The following CPEB2 variants were observed in gnomAD, a reference collection of about 807,000 sequenced individuals.
CPEB2 encodes the protein cytoplasmic polyadenylation element binding protein 2.
CPEB2 carries 56 observed loss-of-function variants against 93.6 expected under a neutral mutation model. The observed-to-expected ratio is 0.60, with a 90% CI of 0.48 to 0.75. CPEB2 has a LOEUF of 0.75. Among genes scored for constraint, CPEB2 ranks in the 30% least tolerant of loss-of-function variants. The pLI is 0.00. For missense variants in CPEB2, 1,579 were observed against 1,395.1 expected, an observed-to-expected ratio of 1.13 and a Z score of -2.10; for synonymous variants, 764 against 586.3, an observed-to-expected ratio of 1.30 and a Z score of -4.38.
rs182244663 is a variant in CPEB2, at chr4:15,008,243, T to C, written c.1945-95T>C. The C allele has an allele frequency of 1.1e-3, 961 of 846,734 alleles. 3 individuals are homozygous for C. The highest frequency in any genetic ancestry group is 8.9e-4 in the Non-Finnish European group (457 of 512,312). The allele number at this position is 846,734 out of a possible 1,614,324, so 52.5% of individuals were successfully genotyped here. ...TAGAGGATGGAATGAGGATTTAAGA[T>C]AGAGCTTTATTTTTTGTTTTCTTTC... On this transcript the variant is annotated intron_variant, in intron 2 of 11. Coordinates refer to ENST00000538197, the MANE Select transcript of CPEB2 (RefSeq NM_001177382.2).
At position 15,017,508 on chromosome 4, in the gene CPEB2, G is replaced by A. The variant is rs556066129; in HGVS notation, c.2125+230G>A. 4.9e-5 allele frequency: 16 copies of A among 328,592 alleles called. No individual in the cohort carries two copies. The South Asian group carries it at 1.1e-3, about 23-fold the overall frequency. The allele number at this position is 328,592 out of a possible 1,614,324, so 20.4% of individuals were successfully genotyped here. ...ATTTAAGGAAAATTTACTATTTAGA[G>A]ACATGCTTCAGTTCACCAGAGAATG... On this transcript the variant is annotated intron_variant, in intron 4 of 11. Transcript: ENST00000538197.
intron 4 of CPEB2, among the ~76,000 whole-genome samples, chr4:15,032,682 C>A (rs115610378): frequency 0.027 from 4,135 of 152,018 alleles, 89 homozygotes; most frequent in South Asian, 0.14. Flanking sequence ...GCCACATTGG[C>A]AAGTTGAGAT....
chr4:15,015,965 A>G (rs890327081), intron 3 of CPEB2, among the ~76,000 whole-genome samples: 3 of 152,030 alleles, frequency 2.0e-5, no homozygotes, highest in African/African-American at 7.2e-5. Flanking sequence ...TCCTACAGAT[A>G]ACTGAAATCG....
chr4:15,061,975 A>T (rs952097470), intron 10 of CPEB2, 104 bp from the exon 11 acceptor site: 1 of 1,074,668 alleles, frequency 9.3e-7, no homozygotes, highest in Non-Finnish European at 1.3e-6. Context: ...ACTCCTGGTC[A>T]AATGATAATA....
At chr4:15,061,578 G>A (rs1313119781) in intron 10 of CPEB2, among the ~76,000 whole-genome samples, 2 of 151,290 alleles carry the variant, frequency 1.3e-5, no homozygotes, top group East Asian at 1.9e-4. Context: ...GAATTGGGGG[G>A]AATACTGGAA....
intron 6 of CPEB2, among the ~76,000 whole-genome samples, chr4:15,043,701 A>G (rs935822439): frequency 2.6e-5 from 4 of 152,104 alleles, no homozygotes; most frequent in African/African-American, 9.7e-5. Context: ...ATAAAAATAT[A>G]TAGAATATTT....
At chr4:15,035,190 A>G (rs546857109) in intron 5 of CPEB2, among the ~76,000 whole-genome samples, 2 of 150,492 alleles carry the variant, frequency 1.3e-5, no homozygotes, top group East Asian at 3.9e-4. Flanking sequence ...TTAGTAATAA[A>G]TTTTGCATCA....
intron 5 of CPEB2, among the ~76,000 whole-genome samples, chr4:15,036,722 T>C (rs1726646938): frequency 6.6e-6 from 1 of 151,036 alleles, no homozygotes; most frequent in African/African-American, 2.4e-5. Context: ...GGAGGGGGAG[T>C]GGGAATGGTA....
intron 4 of CPEB2, among the ~76,000 whole-genome samples, chr4:15,028,694 A>T (rs566971892): frequency 1.3e-5 from 2 of 151,828 alleles, no homozygotes; most frequent in East Asian, 1.9e-4. Context: ...GAATGAAGTG[A>T]GAGGTGCAAG....
intron 3 of CPEB2, 151 bp from the exon 4 acceptor site, chr4:15,017,037 G>C (rs1724232854): frequency 1.7e-6 from 1 of 580,642 alleles, no homozygotes; most frequent in Non-Finnish European, 3.1e-6. Context: ...TAGTTCATGA[G>C]ATCTTTAGTT....
intron 6 of CPEB2, among the ~76,000 whole-genome samples, chr4:15,045,804 C>T (rs1727617531): frequency 6.6e-6 from 1 of 151,994 alleles, no homozygotes; most frequent in South Asian, 2.1e-4. Flanking sequence ...ACCATATCAG[C>T]TCTTCTTTTA....
At position 15,003,521 on chromosome 4, in the gene CPEB2, G is replaced by A. The variant is rs1437155441; in HGVS notation, c.848G>A (p.Arg283His). 2.1e-6 allele frequency: 3 copies of A among 1,441,964 alleles called. No individual in the cohort carries two copies. Among genetic ancestry groups the A allele is most frequent in the African/African-American group, 3.0e-5 (2 of 67,626 alleles). The allele number at this position is 1,441,964 out of a possible 1,614,324, so 89.3% of individuals were successfully genotyped here. ...RRRHGGAGSPRKTPAAGEGSA... is the reference protein window; with the variant it reads ...RRRHGGAGSPHKTPAAGEGSA... ...CGCCACGGAGGCGCGGGCAGCCCTC[G>A]CAAGACCCCAGCCGCGGGCGAGGGC... Residue 283 changes from arginine to histidine, a missense_variant, in exon 1 of 12, where the codon CGC (arginine) becomes CAC (histidine). By Grantham distance (29) the Arg-to-His change is conservative (BLOSUM62 0). Coordinates refer to ENST00000538197, the MANE Select transcript of CPEB2 (RefSeq NM_001177382.2).
At position 15,002,956 on chromosome 4, in the gene CPEB2, G is replaced by T. The variant is rs1232299376; in HGVS notation, c.283G>T (p.Asp95Tyr). ...CCTGGCGCATCAGCAGACCATGCAG[G>T]ATGAGCTGCTTCTGGGGCTGACACA... is the stretch of plus-strand genomic sequence containing the variant. ...PFLAHQQTMQ[D>Y]ELLLGLTQQP... The change falls in exon 1 of 12, where the codon GAT (aspartate) becomes TAT (tyrosine). Residue 95 changes from aspartate to tyrosine, a missense_variant. Around this residue, in one of 2 missense-constraint regions of CPEB2, gnomAD observed 1,411 missense variants for 1,056.0 expected, o/e 1.34. Transcript: ENST00000538197. The T allele has an allele frequency of 2.6e-6, 4 of 1,514,964 alleles. No individual in the cohort carries two copies. In the African/African-American group the frequency reaches 4.2e-5, roughly 16 times the overall value. The allele number at this position is 1,514,964 out of a possible 1,614,324, so 93.8% of individuals were successfully genotyped here.
At chr4:15,063,835 T>C (rs994360861) in intron 11 of CPEB2, 1 of 152,108 alleles carries the variant, frequency 6.6e-6, no homozygotes, top group South Asian at 2.1e-4. Flanking sequence ...TAAAAAGGCA[T>C]TGAAATACCT....
Position 15,002,778 on chromosome 4 carries a change from C to A in CPEB2, c.105C>A (p.Ser35=), listed in dbSNP as rs1237189012. Residue 35 remains serine, a synonymous_variant, in exon 1 of 12, where the codon TCC becomes TCA. Coordinates refer to ENST00000538197, the MANE Select transcript of CPEB2 (RefSeq NM_001177382.2). ...CGTATGGTCCTTACGCCGTGGGGTC[C>A]GTCAACCCGCTGCCCTCCGCCACGC... ...GEAYGPYAVG[S]VNPLPSATPF... 4.0e-5 allele frequency: 62 copies of A among 1,535,456 alleles called. No homozygotes were observed. The highest frequency in any genetic ancestry group is 4.9e-5 in the Non-Finnish European group (56 of 1,146,672).
At chr4:15,018,739 T>C (rs978152863) in intron 4 of CPEB2, among the ~76,000 whole-genome samples, 5 of 150,734 alleles carry the variant, frequency 3.3e-5, no homozygotes, top group Admixed American at 6.6e-5. Flanking sequence ...ATAATAAAAG[T>C]TTTTCATTGT....
chr4:15,008,505 A>G, intron 3 of CPEB2, 78 bp downstream of exon 3: 2 of 922,694 alleles, frequency 2.2e-6, no homozygotes, highest in East Asian at 2.8e-5. Flanking sequence ...TTTATTATTT[A>G]CTTTCTTATT....
chr4:15,027,660 G>C lies in CPEB2; in HGVS notation c.2126-5501G>C, dbSNP rs529214846. On this transcript the variant is annotated intron_variant, in intron 4 of 11. Transcript: ENST00000538197. ...AATATTGGAAGAGTCTGTCAAATGA[G>C]TTGGGGCAATGCTTTATTTAAAGCA... Among the ~76,000 whole-genome samples the C allele has an allele frequency of 2.0e-5, 3 of 152,280 alleles. No homozygotes were observed. The South Asian group carries it at 6.2e-4, about 32-fold the overall frequency.
intron 6 of CPEB2, among the ~76,000 whole-genome samples, chr4:15,048,825 G>C (rs1727958404): frequency 6.6e-6 from 1 of 151,902 alleles, no homozygotes; most frequent in South Asian, 2.1e-4. Context: ...ATCCTTCTTA[G>C]AAAGCATGTT....
Sources: gnomAD v4.1 joint callset for allele counts (sites outside exome capture counted in the v4.1 genomes callset) on GRCh38, gnomAD v4.1.1 for gene constraint, gnomAD v4.1.1 regional missense constraint, MANE v1.5 for transcripts, NCBI Gene and HGNC (gene_info 2026-07-23, HGNC 2026-07-21) for gene names.